CLMP: variants seen among roughly 807,000 people sequenced by gnomAD.
CLMP encodes CXADR-like membrane protein.
In CLMP, 27 loss-of-function variants were observed where a neutral mutation model predicts 45.2. The observed-to-expected ratio is 0.60, with a 90% CI of 0.44 to 0.82. The LOEUF (loss-of-function observed/expected upper bound fraction) is 0.82. Among genes scored for constraint, CLMP ranks in the 40% least tolerant of loss-of-function variants. The pLI is 0.00. For missense variants in CLMP, 403 were observed against 448.4 expected (o/e 0.90, Z 0.91); for synonymous variants, 167 against 171.4 (o/e 0.97, Z 0.20).
At chr11:123,109,828 G>T (rs1239160831) in intron 1 of CLMP, among the ~76,000 whole-genome samples, 1 of 152,160 alleles carries the variant, frequency 6.6e-6, no homozygotes. Context: ...CTTTATACTA[G>T]CCAACCTAGC....
At chr11:123,171,683 A>AT (rs1008885294) in intron 1 of CLMP, among the ~76,000 whole-genome samples, 2 of 151,960 alleles carry the variant, frequency 1.3e-5, no homozygotes, top group Non-Finnish European at 2.9e-5. Flanking sequence ...GCCTCAAGCG[A>AT]TCCGCCTTCC....
chr11:123,136,442 C>CCCCCA, intron 1 of CLMP: 1 of 409,220 alleles, frequency 2.4e-6, no homozygotes, highest in Non-Finnish European at 4.4e-6. Flanking sequence ...TCCTTGTCCC[C>CCCCCA]CCCCACCCCA....
chr11:123,187,435 T>C (rs1021859442), intron 1 of CLMP, among the ~76,000 whole-genome samples: 4 of 152,232 alleles, frequency 2.6e-5, no homozygotes, highest in African/African-American at 4.8e-5. Flanking sequence ...ATTTAAACAA[T>C]GAAGTCACAA....
At chr11:123,128,018 A>G (rs1470680118) in intron 1 of CLMP, among the ~76,000 whole-genome samples, 1 of 147,690 alleles carries the variant, frequency 6.8e-6, no homozygotes, top group African/African-American at 2.5e-5. Context: ...GCCTGGTGAC[A>G]GAATGAGACT....
chr11:123,190,288 T>C lies in CLMP; in HGVS notation c.28+4625A>G, dbSNP rs541895646. 2.0e-5 allele frequency among the ~76,000 whole-genome samples: 3 copies of C among 152,296 alleles called. No individual in the cohort carries two copies. In the East Asian group the frequency reaches 5.8e-4, roughly 29 times the overall value. On this transcript the variant is annotated intron_variant, in intron 1 of 6. Transcript: ENST00000448775. ...CTTCCAATTAGTTCGTTGACCCTTC[T>C]TGGTTTATCATCATGTGCTACCAAT...
intron 1 of CLMP, among the ~76,000 whole-genome samples, chr11:123,137,985 G>A (rs1861103160): frequency 2.6e-5 from 4 of 151,774 alleles, no homozygotes; most frequent in South Asian, 2.1e-4. Flanking sequence ...TGACGAAATA[G>A]CATTTCTCCC....
intron 1 of CLMP, among the ~76,000 whole-genome samples, chr11:123,122,625 C>G (rs1860834964): frequency 6.6e-6 from 1 of 152,180 alleles, no homozygotes; most frequent in Non-Finnish European, 1.5e-5. Context: ...CCAATAGGCT[C>G]TCTCTTATCC....
At chr11:123,086,068 C>T (rs1164750709) in intron 2 of CLMP, among the ~76,000 whole-genome samples, 1 of 151,900 alleles carries the variant, frequency 6.6e-6, no homozygotes, top group African/African-American at 2.4e-5. Flanking sequence ...TGAGCCACTG[C>T]GCCTGGCCCT....
rs533156147 is a variant in CLMP at position 123,126,807 on chromosome 11, G to A, written c.29-28855C>T. ...AGCTACTTGGGAGACTCAGGCAGGAGAATGGCACGAACCTGGGAGGCGGAG... is the reference window on the plus strand; with the variant it reads ...AGCTACTTGGGAGACTCAGGCAGGAAAATGGCACGAACCTGGGAGGCGGAG... On this transcript the variant is annotated intron_variant, in intron 1 of 6. Coordinates refer to ENST00000448775, the MANE Select transcript of CLMP (RefSeq NM_024769.5). Among the ~76,000 whole-genome samples, 23 of 152,012 alleles carry A rather than the reference G, an allele frequency of 1.5e-4. No homozygotes were observed. The South Asian group carries it at 3.8e-3, about 25-fold the overall frequency.
intron 3 of CLMP, 75 bp downstream of exon 3, chr11:123,084,437 C>CGCT: frequency 8.3e-7 from 1 of 1,205,976 alleles, no homozygotes; most frequent in South Asian, 1.2e-5. Context: ...TTTGTACCAC[C>CGCT]GTGATGCATA....
intron 1 of CLMP, among the ~76,000 whole-genome samples, chr11:123,179,700 G>C (rs1389463180): frequency 6.6e-6 from 1 of 152,204 alleles, no homozygotes; most frequent in African/African-American, 2.4e-5. Flanking sequence ...GGCCCCCTTT[G>C]CAATTACCAA....
chr11:123,112,491 C>T (rs1031831648), intron 1 of CLMP, among the ~76,000 whole-genome samples: 2 of 151,848 alleles, frequency 1.3e-5, no homozygotes, highest in Admixed American at 1.3e-4. Flanking sequence ...GTGCCCGCTA[C>T]CACGCTTGGC....
chr11:123,092,746 T>C lies in CLMP; in HGVS notation c.186+5049A>G, dbSNP rs532516571. On this transcript the variant is annotated intron_variant, in intron 2 of 6. Coordinates refer to ENST00000448775, the MANE Select transcript of CLMP (RefSeq NM_024769.5). ...CCAAGTAGCTGGAACTACATGTGTG[T>C]GCCACCATGCCCGGCTAATTTTTTT... 4.2e-4 allele frequency among the ~76,000 whole-genome samples: 63 copies of C among 151,540 alleles called. No homozygotes were observed. In the South Asian group the frequency reaches 0.013, roughly 31 times the overall value.
At chr11:123,080,547 G>T (rs1014663138) in intron 5 of CLMP, among the ~76,000 whole-genome samples, 1 of 151,892 alleles carries the variant, frequency 6.6e-6, no homozygotes. Context: ...GGCTGGTCTC[G>T]AACTCCCAAC....
At chr11:123,087,588 C>T (rs1269843805) in intron 2 of CLMP, among the ~76,000 whole-genome samples, 8 of 151,792 alleles carry the variant, frequency 5.3e-5, no homozygotes, top group Non-Finnish European at 1.2e-4. Context: ...TTTGGGATGC[C>T]GAGGCGGGTG....
intron 2 of CLMP, among the ~76,000 whole-genome samples, chr11:123,095,280 G>A (rs1282052277): frequency 6.7e-6 from 1 of 148,426 alleles, no homozygotes; most frequent in African/African-American, 2.6e-5. Context: ...AATTGCTAAT[G>A]AGAAAATTAT....
rs2135456671 is a variant in CLMP, at chr11:123,070,315, C to G, written c.*3159G>C. On this transcript the variant is annotated 3_prime_UTR_variant, in exon 7 of 7. Coordinates refer to ENST00000448775, the MANE Select transcript of CLMP (RefSeq NM_024769.5). ...ACCAGTAGGGCCTCTAACTTAAGCC[C>G]AGAACCTGTCAAAGAGAAGTGCAGT... is the stretch of plus-strand genomic sequence containing the variant. 1 of 152,260 alleles carries G rather than the reference C, an allele frequency of 6.6e-6. No individual in the cohort carries two copies. The highest frequency in any genetic ancestry group is 1.5e-5 in the Non-Finnish European group (1 of 68,026). 9.4% of individuals were successfully genotyped at this position (152,260 alleles called of 1,614,324 possible). A position where few individuals can be genotyped will look rare whatever the true frequency, so the allele number is the denominator to read the frequency against.
chr11:123,137,918 T>C (rs531730998), intron 1 of CLMP, among the ~76,000 whole-genome samples: 113 of 152,276 alleles, frequency 7.4e-4, no homozygotes, highest in Middle Eastern at 3.4e-3. Flanking sequence ...TCAGATCCTC[T>C]AACTAGACCA....
At chr11:123,115,314 T>G (rs1047076591) in intron 1 of CLMP, among the ~76,000 whole-genome samples, 1 of 152,124 alleles carries the variant, frequency 6.6e-6, no homozygotes, top group Non-Finnish European at 1.5e-5. Context: ...CTCAAAGTGC[T>G]GGGATTACAG....
Sources: gnomAD v4.1 joint callset for allele counts (sites outside exome capture counted in the v4.1 genomes callset) on GRCh38, gnomAD v4.1.1 for gene constraint, MANE v1.5 for transcripts, NCBI Gene and HGNC (gene_info 2026-07-23, HGNC 2026-07-21) for gene names.